MLC1: variants seen among roughly 807,000 people sequenced by gnomAD.
The protein encoded by MLC1 is modulator of VRAC current 1.
MLC1 carries 32 observed loss-of-function variants against 44.7 expected under a neutral mutation model. That is an observed-to-expected ratio of 0.72 (90% confidence interval 0.54 to 0.96). MLC1 has a LOEUF of 0.96. Ranked by LOEUF, MLC1 falls within the 40% of genes least tolerant of loss-of-function variation. The pLI is 0.00. For missense variants in MLC1, 459 were observed against 492.2 expected (o/e 0.93, Z 0.64); for synonymous variants, 190 against 213.0 (o/e 0.89, Z 0.94).
chr22:50,079,802 A>T (rs1249876081), intron 5 of MLC1, 116 bp downstream of exon 5: 1 of 823,104 alleles, frequency 1.2e-6, no homozygotes, highest in Non-Finnish European at 2.1e-6. Flanking sequence ...AGTCAAACTC[A>T]CGAGCTGTGA....
Position 50,068,441 on chromosome 22 carries a change from C to T in MLC1, c.886G>A (p.Ala296Thr). 1 of 1,613,780 alleles carries T rather than the reference C, an allele frequency of 6.2e-7. No individual in the cohort carries two copies. Among genetic ancestry groups the T allele is most frequent in the South Asian group, 1.1e-5 (1 of 91,076 alleles). ...AATAAAATACAACTCACTTTTATGG[C>T]TGGCGGGTAATCCTTAAACATCTCC... is the stretch of plus-strand genomic sequence containing the variant. ...IVEMFKDYPP[A>T]IKPSYDVLLL... The change falls in exon 10 of 12, where the codon GCC (alanine) becomes ACC (threonine). Residue 296 changes from alanine (A) to threonine (T), a missense_variant. Physicochemically the swap from Ala to Thr is moderately conservative, Grantham distance 58 (BLOSUM62 0). Coordinates refer to ENST00000311597, the MANE Select transcript of MLC1 (RefSeq NM_015166.4).
intron 7 of MLC1, among the ~76,000 whole-genome samples, chr22:50,074,963 G>T (rs566503217): frequency 5.3e-5 from 8 of 152,232 alleles, no homozygotes; most frequent in African/African-American, 1.9e-4. Context: ...CCTGCCGGTT[G>T]GAGAGCCCTG....
chr22:50,077,309 G>C, intron 6 of MLC1, 92 bp downstream of exon 6: 3 of 1,129,676 alleles, frequency 2.7e-6, no homozygotes, highest in Non-Finnish European at 3.9e-6. Flanking sequence ...AGCCCAGATC[G>C]GCCCTCCGAG....
chr22:50,061,617 G>A lies in MLC1; in HGVS notation c.1100C>T (p.Ala367Val). 1 of 1,613,806 alleles carries A rather than the reference G, an allele frequency of 6.2e-7. No homozygotes were observed. The stretch of plus-strand genomic sequence containing the variant: ...CATTTGCACCACGACGGCTCTCCAG[G>A]CTTTCTCCTTGTCGAACTCCTTCAG... The part of the protein sequence containing the change: ...SPLKEFDKEK[A>V]WRAVVVQMAQ The change falls in exon 12 of 12, where the codon GCC becomes GTC. Residue 367 changes from alanine (A) to valine (V), a missense_variant. Physicochemically the swap from Ala to Val is moderately conservative, Grantham distance 64. Transcript: ENST00000311597.
At position 50,068,469 on chromosome 22, in the gene MLC1, G is replaced by A. The variant is rs140824687; in HGVS notation, c.858C>T (p.Ile286=). 2 of 1,613,858 alleles carry A rather than the reference G, an allele frequency of 1.2e-6. No individual in the cohort carries two copies. The highest frequency in any genetic ancestry group is 2.2e-5 in the East Asian group (1 of 44,874). ...GCGGGTAATCCTTAAACATCTCCAC[G>A]ATTCTCATGATGCTGAATGACAGAT... The part of the protein sequence containing the change: ...SGYLSFSIMR[I]VEMFKDYPPA... Residue 286 remains isoleucine, a synonymous_variant, in exon 10 of 12, where the codon ATC becomes ATT. Coordinates refer to ENST00000311597, the MANE Select transcript of MLC1 (RefSeq NM_015166.4).
intron 1 of MLC1, 126 bp from the exon 2 acceptor site, chr22:50,085,087 G>A (rs1024487974): frequency 4.1e-6 from 6 of 1,446,040 alleles, no homozygotes; most frequent in South Asian, 1.4e-5. Flanking sequence ...AGAAGAAAAT[G>A]AGCACTTGAA....
intron 3 of MLC1, among the ~76,000 whole-genome samples, chr22:50,082,044 C>T (rs12484523): frequency 0.21 from 32,655 of 152,200 alleles, 3,765 homozygotes; most frequent in South Asian, 0.31. Context: ...TAAGACATTT[C>T]GGGGGCGCTG....
At chr22:50,065,968 C>T (rs2061693238) in intron 10 of MLC1, among the ~76,000 whole-genome samples, 1 of 152,146 alleles carries the variant, frequency 6.6e-6, no homozygotes, top group Admixed American at 6.5e-5. Flanking sequence ...CAGTCAGGAG[C>T]GATGAAGGAA....
At chr22:50,081,369 A>G (rs2062138168) in intron 3 of MLC1, among the ~76,000 whole-genome samples, 2 of 152,330 alleles carry the variant, frequency 1.3e-5, no homozygotes, top group East Asian at 1.9e-4. Context: ...AAAAAGAAAG[A>G]AAGAAAGAGG....
At chr22:50,064,980 A>C (rs976116099) in intron 10 of MLC1, among the ~76,000 whole-genome samples, 1 of 152,180 alleles carries the variant, frequency 6.6e-6, no homozygotes, top group Non-Finnish European at 1.5e-5. Flanking sequence ...GCTGGCGTGC[A>C]GTGGCGCGAT....
Position 50,076,843 on chromosome 22 carries a change from A to G in MLC1, c.595T>C (p.Ser199Pro), listed in dbSNP as rs140676811. ...AGAAAGAAGGGAAGTTTTCTTACTG[A>G]GTAAGATTTCAGGACCCGAGCAGGA... is the stretch of plus-strand genomic sequence containing the variant. ...PFPARVLKSY[S>P]VVEVIAGISA... Residue 199 changes from serine (S) to proline (P), a missense_variant and splice_region_variant, in exon 7 of 12, where the codon TCA (serine) becomes CCA (proline). Ser to Pro is a moderately conservative substitution (Grantham distance 74). Transcript: ENST00000311597. 1.9e-6 allele frequency: 3 copies of G among 1,613,644 alleles called. No individual in the cohort carries two copies. The highest frequency in any genetic ancestry group is 2.7e-5 in the African/African-American group (2 of 74,918).
chr22:50,084,596 G>T, intron 2 of MLC1, 130 bp downstream of exon 2: 1 of 1,018,804 alleles, frequency 9.8e-7, no homozygotes, highest in Non-Finnish European at 1.5e-6. Context: ...GCATCCAAGA[G>T]TTCTGCAGCA....
intron 5 of MLC1, among the ~76,000 whole-genome samples, chr22:50,078,442 G>A (rs1331969269): frequency 1.3e-5 from 2 of 152,066 alleles, no homozygotes; most frequent in African/African-American, 4.8e-5. Flanking sequence ...ACTTTTCTTA[G>A]AAACTGACAG....
At chr22:50,082,942 G>T in intron 3 of MLC1, 142 bp downstream of exon 3, 1 of 851,680 alleles carries the variant, frequency 1.2e-6, no homozygotes, top group Non-Finnish European at 1.9e-6. Flanking sequence ...TGGCATGACA[G>T]CCATGAGCCA....
intron 9 of MLC1, among the ~76,000 whole-genome samples, chr22:50,069,709 C>G (rs2146823167): frequency 6.6e-6 from 1 of 152,126 alleles, no homozygotes; most frequent in Admixed American, 6.6e-5. Flanking sequence ...AAAAAATAGC[C>G]CTTCCGCATG....
chr22:50,075,333 G>C lies in MLC1; in HGVS notation c.598-1001C>G, dbSNP rs533150510. Among the ~76,000 whole-genome samples the C allele has an allele frequency of 8.5e-5, 13 of 152,334 alleles. No homozygotes were observed. The East Asian group carries it at 2.5e-3, about 29-fold the overall frequency. Reference sequence around the variant, plus strand: ...GCAGGAAAGCCAGGCATAAGGAGTGGGCCAGCAAGGGCTTGGGGGCCGGAA... The same window carrying C: ...GCAGGAAAGCCAGGCATAAGGAGTGCGCCAGCAAGGGCTTGGGGGCCGGAA... On this transcript the variant is annotated intron_variant, in intron 7 of 11. Coordinates refer to ENST00000311597, the MANE Select transcript of MLC1 (RefSeq NM_015166.4).
intron 7 of MLC1, among the ~76,000 whole-genome samples, chr22:50,076,367 C>T (rs908585832): frequency 2.6e-5 from 4 of 152,072 alleles, no homozygotes; most frequent in Non-Finnish European, 5.9e-5. Flanking sequence ...CCAGCCTGGC[C>T]AACATGCCGA....
At chr22:50,077,687 T>C (rs1332006336) in intron 5 of MLC1, among the ~76,000 whole-genome samples, 185 bp from the exon 6 acceptor site, 2 of 152,224 alleles carry the variant, frequency 1.3e-5, no homozygotes, top group Non-Finnish European at 2.9e-5. Flanking sequence ...CATGGGCCTT[T>C]GGGGTCTTTT....
At chr22:50,076,975 C>T (rs2061998940) in intron 6 of MLC1, 63 bp from the exon 7 acceptor site, 32 of 1,584,996 alleles carry the variant, frequency 2.0e-5, no homozygotes, top group Non-Finnish European at 2.8e-5. Flanking sequence ...CTGCCGCTGG[C>T]ATCCGGCCGC....
Sources: gnomAD v4.1 joint callset for allele counts (sites outside exome capture counted in the v4.1 genomes callset) on GRCh38, gnomAD v4.1.1 for gene constraint, MANE v1.5 for transcripts, NCBI Gene and HGNC (gene_info 2026-07-23, HGNC 2026-07-21) for gene names.